Variants in SLC28A3 observed in about 807,000 individuals in gnomAD.
SLC28A3 encodes the protein concentrative Na(+)-nucleoside cotransporter 3.
A neutral mutation model predicts 84.2 loss-of-function variants in SLC28A3; 68 were observed. The observed-to-expected ratio is 0.81, with a 90% CI of 0.66 to 0.99. The LOEUF (loss-of-function observed/expected upper bound fraction) is 0.99, where lower values mean the gene tolerates loss of function less well. SLC28A3 is among the 50% of genes least tolerant of loss of function. The pLI is 0.00. For synonymous variants in SLC28A3, 267 were observed against 303.6 expected, an observed-to-expected ratio of 0.88 and a Z score of 1.25; for missense variants, 712 against 841.5, an observed-to-expected ratio of 0.85 and a Z score of 1.90.
intron 3 of SLC28A3, among the ~76,000 whole-genome samples, chr9:84,307,132 C>CAAAAAAA (rs34204820): frequency 2.5e-5 from 3 of 119,670 alleles, no homozygotes. Flanking sequence ...CCGTCTCAAC[C>CAAAAAAA]AAAAAAAAAA....
chr9:84,282,608 G>A (rs190469352), intron 14 of SLC28A3, among the ~76,000 whole-genome samples: 7 of 152,278 alleles, frequency 4.6e-5, no homozygotes, highest in Admixed American at 6.5e-5. Flanking sequence ...AAGCAAGGGC[G>A]TGGCCCTGTG....
At chr9:84,361,931 T>G in the SLC28A3 span, among the ~76,000 whole-genome samples, 2 of 151,786 alleles carry the variant, frequency 1.3e-5, no homozygotes, top group Non-Finnish European at 2.9e-5. Context: ...AATAAATAAA[T>G]AAATAAAAAT....
the SLC28A3 span, among the ~76,000 whole-genome samples, chr9:84,363,174 C>T: frequency 6.7e-6 from 1 of 150,124 alleles, no homozygotes. Context: ...ATGAAATCTA[C>T]TAGTATGTAA....
chr9:84,354,374 C>G, the SLC28A3 span, among the ~76,000 whole-genome samples: 4 of 152,170 alleles, frequency 2.6e-5, no homozygotes, highest in Admixed American at 1.3e-4. Context: ...TACCATCCCC[C>G]CTGAAAGGAA....
chr9:84,317,682 T>C (rs1042418026), intron 1 of SLC28A3, among the ~76,000 whole-genome samples: 5 of 152,188 alleles, frequency 3.3e-5, no homozygotes, highest in South Asian at 2.1e-4. Context: ...GCAAATTGCA[T>C]GAGTGGTCTT....
chr9:84,343,191 A>G (rs1827198432), upstream of SLC28A3, among the ~76,000 whole-genome samples: 1 of 151,900 alleles, frequency 6.6e-6, no homozygotes, highest in African/African-American at 2.4e-5. Flanking sequence ...CTCAAAAAAA[A>G]AACAAAAGAC....
chr9:84,340,494 G>A, intron 1 of SLC28A3, 80 bp downstream of exon 1: 1 of 1,444,516 alleles, frequency 6.9e-7, no homozygotes. Context: ...CCCTGCTTAG[G>A]TAAGAAACTT....
At position 84,297,280 on chromosome 9, in the gene SLC28A3, C is replaced by T. The variant is rs1186778656; in HGVS notation, c.802G>A (p.Asp268Asn). The change falls in exon 8 of 18, where the codon GAT becomes AAT. Residue 268 changes from aspartate to asparagine, a missense_variant. Physicochemically the swap from Asp to Asn is conservative, Grantham distance 23 (BLOSUM62 1). Transcript: ENST00000376238. ...RQVQTFLEYT[D>N]AGASFVFGEK... The stretch of plus-strand genomic sequence containing the variant: ...CCAAAGACAAATGAAGCACCAGCAT[C>T]TGTGTACTCCAGAAAAGTCTGAGTT... The T allele has an allele frequency of 1.2e-6, 2 of 1,612,950 alleles. No individual in the cohort carries two copies. Among genetic ancestry groups the T allele is most frequent in the Non-Finnish European group, 1.7e-6 (2 of 1,179,704 alleles).
At chr9:84,285,252 C>G in intron 14 of SLC28A3, 93 bp downstream of exon 14, 1 of 1,285,022 alleles carries the variant, frequency 7.8e-7, no homozygotes, top group East Asian at 2.5e-5. Flanking sequence ...TCCCAGGTGC[C>G]TGGCATAGTG....
Position 84,302,184 on chromosome 9 carries a change from A to C in SLC28A3, c.524+16T>G. On this transcript the variant is annotated intron_variant, in intron 5 of 17. Transcript: ENST00000376238. ...CTATCTCTCTTAACTGAAATAAGAG[A>C]ACCAATTGCATTTACCACTTCAGCC... 2 of 1,610,532 alleles carry C rather than the reference A, an allele frequency of 1.2e-6. No individual in the cohort carries two copies. Among genetic ancestry groups the C allele is most frequent in the Non-Finnish European group, 1.7e-6 (2 of 1,178,164 alleles).
At position 84,278,264 on chromosome 9, in the gene SLC28A3, A is replaced by T; in HGVS notation, c.2030T>A (p.Leu677Ter). The change falls in exon 18 of 18, where the codon TTG becomes TAG. Residue 677 changes from leucine to a stop codon, truncating the protein, a stop_gained. Coordinates refer to ENST00000376238, the MANE Select transcript of SLC28A3 (RefSeq NM_001199633.2). LOFTEE classifies it high-confidence loss of function. ...ATTGCAGTTAAAGGTCGATGGATTC[A>T]ACAATGTGCAGCAGCCCTTCAAAGA... ...LYSLKGCCTL[L>*]NPSTFNCNGI... is the part of the protein sequence containing the mutation. 1 of 1,614,154 alleles carries T rather than the reference A, an allele frequency of 6.2e-7. No homozygotes were observed. Among genetic ancestry groups the T allele is most frequent in the Non-Finnish European group, 8.5e-7 (1 of 1,179,996 alleles).
intron 3 of SLC28A3, 76 bp downstream of exon 3, chr9:84,309,553 T>TAA: frequency 2.5e-6 from 1 of 399,554 alleles, no homozygotes; most frequent in African/African-American, 3.1e-5. Context: ...AAAAAAGAAA[T>TAA]CAAATGGGGA....
upstream of SLC28A3, among the ~76,000 whole-genome samples, chr9:84,342,498 G>A (rs886924596): frequency 1.3e-5 from 2 of 151,832 alleles, no homozygotes; most frequent in East Asian, 3.9e-4. Flanking sequence ...CTGCAACCTT[G>A]ACCTCCTGGG....
Position 84,277,999 on chromosome 9 carries a change from A to G in SLC28A3, c.*219T>C. On this transcript the variant is annotated 3_prime_UTR_variant, in exon 18 of 18. Coordinates refer to ENST00000376238, the MANE Select transcript of SLC28A3 (RefSeq NM_001199633.2). ...CAACAACACCTCACTTTGGGACATC[A>G]TAGCAGTTCTTGGTGGGGAAGGGGC... 5.5e-6 allele frequency: 3 copies of G among 550,194 alleles called. No homozygotes were observed. The highest frequency in any genetic ancestry group is 3.0e-5 in the East Asian group (1 of 33,508). 34.1% of individuals were successfully genotyped at this position (550,194 alleles called of 1,614,324 possible).
intron 2 of SLC28A3, among the ~76,000 whole-genome samples, chr9:84,312,226 CT>C (rs148023031): frequency 0.047 from 7,171 of 152,102 alleles, 515 homozygotes; most frequent in African/African-American, 0.16. Context: ...GTATTGTTTT[CT>C]TTTTTGTTTG....
chr9:84,332,440 G>A (rs1266452174), intron 1 of SLC28A3, among the ~76,000 whole-genome samples: 2 of 152,122 alleles, frequency 1.3e-5, no homozygotes, highest in African/African-American at 4.8e-5. Flanking sequence ...GGAGGGATAG[G>A]GTAGGGGACT....
At chr9:84,294,605 A>T (rs1825348684) in intron 8 of SLC28A3, among the ~76,000 whole-genome samples, 1 of 152,192 alleles carries the variant, frequency 6.6e-6, no homozygotes, top group Non-Finnish European at 1.5e-5. Context: ...CATGGGCTTC[A>T]CCACTAGTTA....
Position 84,297,888 on chromosome 9 carries a change from CT to C in SLC28A3, c.783+17del, listed in dbSNP as rs755892649. 8.2e-6 allele frequency: 13 copies of C among 1,584,540 alleles called. No homozygotes were observed. Among genetic ancestry groups the C allele is most frequent in the Non-Finnish European group, 1.1e-5 (13 of 1,170,464 alleles). The stretch of plus-strand genomic sequence containing the variant: ...AAAAGCACCATAAAAGCAAAGTGTT[CT>C]TTTGAACCAAACTTACCTGAACTTG... On this transcript the variant is annotated intron_variant, in intron 7 of 17. Coordinates refer to ENST00000376238, the MANE Select transcript of SLC28A3 (RefSeq NM_001199633.2).
At chr9:84,365,441 A>G in the SLC28A3 span, among the ~76,000 whole-genome samples, 1 of 152,162 alleles carries the variant, frequency 6.6e-6, no homozygotes, top group African/African-American at 2.4e-5. Context: ...TCAAATGAGT[A>G]GTTTGCAAAA....
Sources: gnomAD v4.1 joint callset for allele counts (sites outside exome capture counted in the v4.1 genomes callset) on GRCh38, gnomAD v4.1.1 for gene constraint, MANE v1.5 for transcripts, NCBI Gene and HGNC (gene_info 2026-07-23, HGNC 2026-07-21) for gene names.